The following AP2A2 variants were observed in gnomAD, a reference collection of about 807,000 sequenced individuals.
The protein encoded by AP2A2 is adaptor related protein complex 2 subunit alpha 2.
Under a neutral mutation model 104.2 loss-of-function variants are expected in AP2A2, and 32 were observed. The observed-to-expected ratio is 0.31, with a 90% CI of 0.23 to 0.41. The LOEUF (loss-of-function observed/expected upper bound fraction) is 0.41, where lower values mean the gene tolerates loss of function less well. Ranked by LOEUF, AP2A2 falls within the 10% of genes least tolerant of loss-of-function variation. The probability of loss-of-function intolerance (pLI) is 1.00; values close to 1 mark genes in which losing one functional copy is unlikely to be tolerated. For synonymous variants in AP2A2, 539 were observed against 533.3 expected (o/e 1.01, Z -0.15); for missense variants, 912 against 1,261.0 (o/e 0.72, Z 4.19).
At chr11:985,838 C>T (rs1009406898) in intron 8 of AP2A2, among the ~76,000 whole-genome samples, 3 of 152,248 alleles carry the variant, frequency 2.0e-5, no homozygotes, top group African/African-American at 7.2e-5. Context: ...CCCTGAGCAT[C>T]CCCACTCCTG....
intron 1 of AP2A2, among the ~76,000 whole-genome samples, chr11:926,404 C>A (rs1853123541): frequency 2.0e-5 from 3 of 148,166 alleles, no homozygotes; most frequent in Admixed American, 1.4e-4. Context: ...TGTCCAGGGT[C>A]TAGGGGTGCG....
At chr11:977,248 TC>T in intron 5 of AP2A2, 24 bp downstream of exon 5, 1 of 1,557,446 alleles carries the variant, frequency 6.4e-7, no homozygotes, top group Non-Finnish European at 8.7e-7. Context: ...GCTTTGGTTC[TC>T]CCCGCTCCCC....
At chr11:958,625 C>G (rs1854317990) in intron 1 of AP2A2, among the ~76,000 whole-genome samples, 1 of 152,066 alleles carries the variant, frequency 6.6e-6, no homozygotes, top group African/African-American at 2.4e-5. Context: ...AGAAGCTAGC[C>G]TTTGGGGCTG....
At chr11:938,061 C>T (rs1282766310) in intron 1 of AP2A2, among the ~76,000 whole-genome samples, 1 of 152,230 alleles carries the variant, frequency 6.6e-6, no homozygotes, top group African/African-American at 2.4e-5. Flanking sequence ...AAAACGCATG[C>T]TTATTGGTTT....
At chr11:970,109 C>T (rs1854766545) in intron 2 of AP2A2, 60 bp from the exon 3 acceptor site, 7 of 1,584,492 alleles carry the variant, frequency 4.4e-6, no homozygotes, top group Non-Finnish European at 1.7e-6. Context: ...GCCCTCTGCT[C>T]TCCCCTCTCC....
At chr11:965,209 G>T (rs978792605) in intron 2 of AP2A2, among the ~76,000 whole-genome samples, 5 of 127,870 alleles carry the variant, frequency 3.9e-5, no homozygotes, top group Non-Finnish European at 6.6e-5. Flanking sequence ...AATCCCAGAT[G>T]GAAGCGTGGA....
At position 1,008,053 on chromosome 11, in the gene AP2A2, G is replaced by A. The variant is rs779108325; in HGVS notation, c.2338G>A (p.Gly780Arg). ...CAAGCCCGTGGACCCGACCGTGGAG[G>A]GGGGCGCGCAGGTGCAGCAGGTGGT... ...QTKPVDPTVE[G>R]GAQVQQVVNI... The change falls in exon 18 of 22, where the codon GGG becomes AGG. Residue 780 changes from glycine (G) to arginine (R), a missense_variant. By Grantham distance (125) the Gly-to-Arg change is moderately radical. This residue lies in a region of AP2A2 where 239 missense variants were observed against 329.8 expected (regional missense o/e 0.72). Coordinates refer to ENST00000448903, the MANE Select transcript of AP2A2 (RefSeq NM_012305.4). The A allele has an allele frequency of 4.4e-6, 7 of 1,579,380 alleles. No individual in the cohort carries two copies. In the South Asian group the frequency reaches 7.0e-5, roughly 16 times the overall value.
intron 1 of AP2A2, among the ~76,000 whole-genome samples, chr11:957,628 T>C (rs1011692513): frequency 4.6e-5 from 7 of 152,218 alleles, no homozygotes; most frequent in Admixed American, 1.3e-4. Flanking sequence ...CCAGGAACTG[T>C]AGATGAAAAC....
At chr11:933,890 TGC>T (rs1486098086) in intron 1 of AP2A2, among the ~76,000 whole-genome samples, 1 of 152,196 alleles carries the variant, frequency 6.6e-6, no homozygotes, top group Non-Finnish European at 1.5e-5. Flanking sequence ...AAACGTTTGT[TGC>T]CTTTTGGAGC....
intron 6 of AP2A2, among the ~76,000 whole-genome samples, chr11:983,674 CA>C (rs1554889427): frequency 1.3e-5 from 2 of 152,218 alleles, no homozygotes; most frequent in African/African-American, 2.4e-5. Flanking sequence ...GGAGCCACCG[CA>C]CCTGGCCTAG....
At chr11:962,677 G>C (rs1237177555) in intron 2 of AP2A2, among the ~76,000 whole-genome samples, 1 of 151,952 alleles carries the variant, frequency 6.6e-6, no homozygotes, top group Non-Finnish European at 1.5e-5. Context: ...AGGTTGCAGT[G>C]AGCCGAGATC....
At position 1,000,493 on chromosome 11, in the gene AP2A2, G is replaced by A; in HGVS notation, c.2018G>A (p.Gly673Asp). ...GGGGCTGCCCCCCCTGCCCCCGCGG[G>A]CCCCCCACCCTCCTCCGGCGGCAGC... is the stretch of plus-strand genomic sequence containing the variant. Reference protein sequence around the residue: ...GLGAAPPAPAGPPPSSGGSGL... With the variant: ...GLGAAPPAPADPPPSSGGSGL... The change falls in exon 15 of 22, where the codon GGC becomes GAC. Residue 673 changes from glycine to aspartate, a missense_variant. By Grantham distance (94) the Gly-to-Asp change is moderately conservative. Transcript: ENST00000448903. 1.3e-6 allele frequency: 2 copies of A among 1,540,062 alleles called. No homozygotes were observed. The highest frequency in any genetic ancestry group is 1.7e-6 in the Non-Finnish European group (2 of 1,147,304).
intron 1 of AP2A2, among the ~76,000 whole-genome samples, chr11:948,844 G>A (rs1589955882): frequency 9.1e-6 from 1 of 109,408 alleles, no homozygotes; most frequent in East Asian, 2.1e-4. Context: ...TCAAACCTGG[G>A]CAACGAGCGA....
chr11:988,370 A>T (rs903070294), intron 9 of AP2A2, among the ~76,000 whole-genome samples, 182 bp from the exon 10 acceptor site: 1 of 152,160 alleles, frequency 6.6e-6, no homozygotes, highest in African/African-American at 2.4e-5. Context: ...CAGCAGGCGG[A>T]ACTCTATTCC....
chr11:928,107 C>A (rs907701918), intron 1 of AP2A2, among the ~76,000 whole-genome samples: 4 of 152,214 alleles, frequency 2.6e-5, no homozygotes, highest in African/African-American at 9.6e-5. Flanking sequence ...ATTGTCTGTG[C>A]CAGGGCCTGC....
At chr11:940,072 A>G (rs1008581590) in intron 1 of AP2A2, among the ~76,000 whole-genome samples, 14 of 148,952 alleles carry the variant, frequency 9.4e-5, no homozygotes, top group Non-Finnish European at 1.8e-4. Flanking sequence ...CTCCTGCCTC[A>G]GCCTCCAGAG....
At position 994,375 on chromosome 11, in the gene AP2A2, A is replaced by T. The variant is rs911252966; in HGVS notation, c.1956+130A>T. The T allele has an allele frequency of 4.2e-6, 5 of 1,201,440 alleles. No homozygotes were observed. The African/African-American group carries it at 4.6e-5, about 11-fold the overall frequency. 74.4% of individuals were successfully genotyped at this position (1,201,440 alleles called of 1,614,324 possible). A position where few individuals can be genotyped will look rare whatever the true frequency, so the allele number is the denominator to read the frequency against. On this transcript the variant is annotated intron_variant, in intron 14 of 21. Coordinates refer to ENST00000448903, the MANE Select transcript of AP2A2 (RefSeq NM_012305.4). ...CCAGGCTCTGGCTGTGGCTCTGGACACCCCGCTGTCCTGTCCTGGGGGCCA... is the reference window on the plus strand; with the variant it reads ...CCAGGCTCTGGCTGTGGCTCTGGACTCCCCGCTGTCCTGTCCTGGGGGCCA...
At chr11:987,237 C>T (rs967739356) in intron 9 of AP2A2, among the ~76,000 whole-genome samples, 22 of 152,220 alleles carry the variant, frequency 1.4e-4, no homozygotes, top group Admixed American at 3.3e-4. Context: ...CCATCCTGCG[C>T]GTGCATAGTG....
At chr11:965,344 G>A (rs537408811) in intron 2 of AP2A2, among the ~76,000 whole-genome samples, 2 of 152,164 alleles carry the variant, frequency 1.3e-5, no homozygotes, top group East Asian at 1.9e-4. Flanking sequence ...GTTGTGTCTC[G>A]TGGTTATGTC....
Sources: allele counts gnomAD v4.1 joint callset (sites outside exome capture counted in the v4.1 genomes callset), GRCh38; gene constraint gnomAD v4.1.1; regional missense constraint gnomAD v4.1.1; transcripts MANE v1.5; gene names NCBI Gene and HGNC (gene_info 2026-07-23, HGNC 2026-07-21).